Variants in KIF17 observed in about 807,000 individuals in gnomAD.
The protein encoded by KIF17 is kinesin family member 17.
A neutral mutation model predicts 96.8 loss-of-function variants in KIF17; 80 were observed. That is an observed-to-expected ratio of 0.83 (90% CI 0.69 to 1.00). KIF17 has a LOEUF of 1.00. Among genes scored for constraint, KIF17 ranks in the 50% least tolerant of loss-of-function variants. KIF17 has a pLI of 0.00. For synonymous variants in KIF17, 567 were observed against 587.5 expected, an observed-to-expected ratio of 0.97 and a Z score of 0.51; for missense variants, 1,280 against 1,372.9, an observed-to-expected ratio of 0.93 and a Z score of 1.07.
intron 6 of KIF17, among the ~76,000 whole-genome samples, chr1:20,695,474 C>A (rs944908906): frequency 1.3e-5 from 2 of 152,338 alleles, no homozygotes; most frequent in Non-Finnish European, 2.9e-5. Flanking sequence ...CAGGCATGAG[C>A]CACTGCACCC....
rs200348675 is a variant in KIF17, at chr1:20,690,291, G to A, written c.1278C>T (p.Ala426=). The change falls in exon 7 of 15, where the codon GCC becomes GCT. Residue 426 remains alanine, a synonymous_variant. Transcript: ENST00000400463. ...CCAGCCTGGCCCGAGACTCCTGCTC[G>A]GCCTTATAGTCGGCTTTCAGCCGGG... ...RLARLKADYK[A]EQESRARLEE... 2.0e-5 allele frequency: 32 copies of A among 1,575,244 alleles called. No individual in the cohort carries two copies. Among genetic ancestry groups the A allele is most frequent in the East Asian group, 1.2e-4 (5 of 42,204 alleles).
intron 6 of KIF17, among the ~76,000 whole-genome samples, chr1:20,697,803 G>A (rs2054167599): frequency 2.0e-5 from 3 of 152,246 alleles, no homozygotes; most frequent in African/African-American, 7.2e-5. Context: ...CTGGGGATCA[G>A]CTCCGCCTCT....
intron 13 of KIF17, 111 bp from the exon 14 acceptor site, chr1:20,666,442 A>T: frequency 1.2e-6 from 1 of 850,312 alleles, no homozygotes; most frequent in Non-Finnish European, 2.0e-6. Context: ...GCTTCCCCGA[A>T]GTTGTCACAG....
At chr1:20,689,331 G>A (rs1197565189) in intron 7 of KIF17, among the ~76,000 whole-genome samples, 2 of 152,196 alleles carry the variant, frequency 1.3e-5, no homozygotes, top group Non-Finnish European at 2.9e-5. Flanking sequence ...TGGTATGGCA[G>A]AATATCCTAG....
At chr1:20,712,960 A>T (rs1410592080) in intron 3 of KIF17, among the ~76,000 whole-genome samples, 33 of 134,896 alleles carry the variant, frequency 2.4e-4, no homozygotes, top group Admixed American at 8.4e-4. Context: ...TATCTATATT[A>T]TATATATATT....
At chr1:20,711,494 C>T (rs1403059455) in intron 3 of KIF17, among the ~76,000 whole-genome samples, 1 of 152,178 alleles carries the variant, frequency 6.6e-6, no homozygotes, top group Admixed American at 6.5e-5. Context: ...ACCATGGCAA[C>T]CAGCTGGGAT....
At chr1:20,684,445 G>A (rs748532730) in intron 10 of KIF17, among the ~76,000 whole-genome samples, 9 of 152,356 alleles carry the variant, frequency 5.9e-5, no homozygotes, top group South Asian at 2.1e-4. Context: ...CTCCCCCGGC[G>A]GTCCCAGAGA....
Position 20,690,218 on chromosome 1 carries a change from T to G in KIF17, c.1351A>C (p.Thr451Pro), listed in dbSNP as rs1570455853. 6.2e-7 allele frequency: 1 copy of G among 1,613,976 alleles called. No homozygotes were observed. Among genetic ancestry groups the G allele is most frequent in the African/African-American group, 1.3e-5 (1 of 75,000 alleles). ...TCCTTCCGCAGGTTCTCCTCCAGCGTGGACAGCCTGACGTCATATGAGTTG... is the reference window on the plus strand; with the variant it reads ...TCCTTCCGCAGGTTCTCCTCCAGCGGGGACAGCCTGACGTCATATGAGTTG... ...MRNSYDVRLS[T>P]LEENLRKETE... The change falls in exon 7 of 15, where the codon ACG (threonine) becomes CCG (proline). Residue 451 changes from threonine (T) to proline (P), a missense_variant. By Grantham distance (38) the Thr-to-Pro change is conservative. Coordinates refer to ENST00000400463, the MANE Select transcript of KIF17 (RefSeq NM_001122819.3).
rs768818643 is a variant in KIF17 at position 20,704,487 on chromosome 1, C to T, written c.1083G>A (p.Lys361=). The change falls in exon 5 of 15, where the codon AAG becomes AAA. Residue 361 remains lysine, a synonymous_variant. Coordinates refer to ENST00000400463, the MANE Select transcript of KIF17 (RefSeq NM_001122819.3). The surrounding 1 kb of genome is among the most constrained non-coding windows in gnomAD (Gnocchi z 6.8). ...REYQEEIKKL[K]AILTQQMSPS... ...GGCTCATCTGCTGTGTCAGGATGGC[C>T]TTGAGCTTCTTGATCTCCTCCTGGT... 5.0e-6 allele frequency: 8 copies of T among 1,614,086 alleles called. No individual in the cohort carries two copies. The Admixed American group carries it at 1.3e-4, about 27-fold the overall frequency.
intron 3 of KIF17, among the ~76,000 whole-genome samples, chr1:20,711,428 G>A (rs1211807991): frequency 1.3e-5 from 2 of 152,178 alleles, no homozygotes; most frequent in African/African-American, 2.4e-5. Context: ...CCTCAGCCGC[G>A]CACCAGGTTC....
chr1:20,669,458 C>G (rs2053597658), intron 13 of KIF17, among the ~76,000 whole-genome samples: 1 of 150,704 alleles, frequency 6.6e-6, no homozygotes, highest in South Asian at 2.1e-4. Flanking sequence ...AATGGCTGAA[C>G]CTGGGAGGCA....
At chr1:20,661,650 C>T (rs1262071611), downstream of KIF17, 2 of 500,192 alleles carry the variant, frequency 4.0e-6, no homozygotes, top group African/African-American at 1.9e-5. Flanking sequence ...CGAGGCCGAG[C>T]GCCCTTTGCT....
At chr1:20,697,462 C>T (rs1028546640) in intron 6 of KIF17, among the ~76,000 whole-genome samples, 2 of 152,026 alleles carry the variant, frequency 1.3e-5, no homozygotes, top group Non-Finnish European at 2.9e-5. Flanking sequence ...TAAAAATTAG[C>T]CAGGCGTTAT....
At chr1:20,662,380 T>G (rs1305606463), downstream of KIF17, among the ~76,000 whole-genome samples, 1 of 152,154 alleles carries the variant, frequency 6.6e-6, no homozygotes, top group Non-Finnish European at 1.5e-5. Flanking sequence ...AGGCCAATGG[T>G]GACGGCAACT....
chr1:20,682,870 T>A lies in KIF17; in HGVS notation c.2246A>T (p.Glu749Val), dbSNP rs1283768573. ...QQVLARLQLLEQQVVGGEQAK... is the reference protein window; with the variant it reads ...QQVLARLQLLVQQVVGGEQAK... Reference sequence around the variant, plus strand: ...CTGCTCTCCACCCACAACCTGCTGCTCCAACAGCTGCAGACTGCCGGCGTG... The same window carrying A: ...CTGCTCTCCACCCACAACCTGCTGCACCAACAGCTGCAGACTGCCGGCGTG... The change falls in exon 11 of 15, where the codon GAG becomes GTG. Residue 749 changes from glutamate (E) to valine (V), a missense_variant. By Grantham distance (121) the Glu-to-Val change is moderately radical (BLOSUM62 -2). Coordinates refer to ENST00000400463, the MANE Select transcript of KIF17 (RefSeq NM_001122819.3). 6.2e-7 allele frequency: 1 copy of A among 1,610,672 alleles called. No homozygotes were observed. Among genetic ancestry groups the A allele is most frequent in the Non-Finnish European group, 8.5e-7 (1 of 1,179,756 alleles).
chr1:20,716,414 T>C (rs981994222), intron 1 of KIF17, among the ~76,000 whole-genome samples: 3 of 152,110 alleles, frequency 2.0e-5, no homozygotes, highest in Non-Finnish European at 4.4e-5. Flanking sequence ...TACAGGTGAT[T>C]CTCGTGGCGG....
In KIF17 at chr1:20,704,701, G is replaced by A. The variant is rs766360804; in HGVS notation, c.869C>T (p.Ser290Leu). Residue 290 changes from serine to leucine, a missense_variant, in exon 5 of 15, where the codon TCG becomes TTG. By Grantham distance (145) the Ser-to-Leu change is moderately radical (BLOSUM62 -2). Transcript: ENST00000400463. The surrounding 1 kb of genome is among the most constrained non-coding windows in gnomAD (Gnocchi z 6.8). ...GRCKHVPYRD[S>L]KLTRLLQDSL... ...GTCCTGCAGCAGCCGCGTCAGCTTC[G>A]AGTCACGGTAGGGGACGTGCTTACA... 37 of 1,613,956 alleles carry A rather than the reference G, an allele frequency of 2.3e-5. No homozygotes were observed. The highest frequency in any genetic ancestry group is 1.0e-4 in the Admixed American group (6 of 60,012).
intron 4 of KIF17, among the ~76,000 whole-genome samples, chr1:20,706,771 C>T (rs2054350134): frequency 6.6e-6 from 1 of 151,830 alleles, no homozygotes; most frequent in Non-Finnish European, 1.5e-5. Context: ...TGCCTGTGGT[C>T]TCAGCTACTT....
chr1:20,717,318 G>A, intron 1 of KIF17, 158 bp downstream of exon 1: 1 of 743,648 alleles, frequency 1.3e-6, no homozygotes, highest in Non-Finnish European at 2.2e-6. Context: ...CTCTGGTTGT[G>A]TCCCGCCTGG....
Sources: gnomAD v4.1 joint callset for allele counts (sites outside exome capture counted in the v4.1 genomes callset) on GRCh38, gnomAD v4.1.1 for gene constraint, Gnocchi (gnomAD v3.1) non-coding constraint, MANE v1.5 for transcripts, NCBI Gene and HGNC (gene_info 2026-07-23, HGNC 2026-07-21) for gene names.